NCMAP: variants seen among roughly 807,000 people sequenced by gnomAD.
NCMAP encodes the protein non-compact myelin associated protein.
In NCMAP, 8 loss-of-function variants were observed where a neutral mutation model predicts 7.8. The observed-to-expected ratio is 1.02, with a 90% CI of 0.60 to 1.84. The LOEUF is 1.84. NCMAP is among the 40% of genes most tolerant of loss of function. The pLI, the probability that NCMAP is intolerant of heterozygous loss-of-function variation, is 0.00. For synonymous variants in NCMAP, 41 were observed against 52.9 expected (o/e 0.78, Z 0.98); for missense variants, 112 against 131.4 (o/e 0.85, Z 0.72).
At chr1:24,591,894 G>T (rs1229601707) in intron 1 of NCMAP, among the ~76,000 whole-genome samples, 1 of 152,254 alleles carries the variant, frequency 6.6e-6, no homozygotes, top group Non-Finnish European at 1.5e-5. Context: ...ACCCTGTGAA[G>T]CCCCCGGGGC....
At chr1:24,605,082 C>T (rs548288511) in intron 3 of NCMAP, among the ~76,000 whole-genome samples, 1 of 151,542 alleles carries the variant, frequency 6.6e-6, no homozygotes, top group East Asian at 1.9e-4. Context: ...CTCCACTGCA[C>T]TCCAGCCTGG....
At chr1:24,580,555 A>G (rs1651715115) in intron 1 of NCMAP, among the ~76,000 whole-genome samples, 1 of 152,118 alleles carries the variant, frequency 6.6e-6, no homozygotes, top group Non-Finnish European at 1.5e-5. Context: ...GGTTCAAGCG[A>G]TTCTCCTGCC....
intron 1 of NCMAP, among the ~76,000 whole-genome samples, chr1:24,568,049 C>T (rs777043811): frequency 9.9e-5 from 15 of 152,116 alleles, no homozygotes; most frequent in Non-Finnish European, 1.9e-4. Context: ...CCTAATTAGG[C>T]ACCCGCCTGT....
At chr1:24,558,709 G>A (rs773540175) in intron 1 of NCMAP, among the ~76,000 whole-genome samples, 14 of 152,068 alleles carry the variant, frequency 9.2e-5, no homozygotes, top group Non-Finnish European at 1.2e-4. Context: ...GGAGCGGAGC[G>A]CACTGTCACT....
chr1:24,569,689 T>C (rs1651333143), intron 1 of NCMAP, among the ~76,000 whole-genome samples: 1 of 150,660 alleles, frequency 6.6e-6, no homozygotes, highest in Non-Finnish European at 1.5e-5. Flanking sequence ...ATGGAAATAA[T>C]GATACCCACC....
rs141403723 is a variant in NCMAP, at chr1:24,605,555, C to T, written c.168-51C>T. 328 of 1,596,844 alleles carry T rather than the reference C, an allele frequency of 2.1e-4. 1 individual carries two copies. In the African/African-American group the frequency reaches 3.4e-3, roughly 16 times the overall value. ...AACTGTAGTCGCAGAGCCCATTCCC[C>T]GCGGCATACCAGGGGAAAGACTCAA... On this transcript the variant is annotated intron_variant, in intron 3 of 3. Coordinates refer to ENST00000374392, the MANE Select transcript of NCMAP (RefSeq NM_001010980.5).
At chr1:24,582,953 C>G (rs918148704) in intron 1 of NCMAP, among the ~76,000 whole-genome samples, 2 of 152,180 alleles carry the variant, frequency 1.3e-5, no homozygotes, top group Non-Finnish European at 2.9e-5. Flanking sequence ...GTAACTGGCA[C>G]GTAAAAGACA....
chr1:24,578,897 C>T (rs1349020511), intron 1 of NCMAP, among the ~76,000 whole-genome samples: 7 of 152,072 alleles, frequency 4.6e-5, no homozygotes, highest in African/African-American at 1.7e-4. Flanking sequence ...TAAACTCATC[C>T]GGCAAACTCT....
At chr1:24,591,566 C>T (rs1652049720) in intron 1 of NCMAP, among the ~76,000 whole-genome samples, 1 of 152,200 alleles carries the variant, frequency 6.6e-6, no homozygotes, top group Non-Finnish European at 1.5e-5. Flanking sequence ...CCGTGCCTGG[C>T]CTGGGCCGTG....
chr1:24,587,387 AC>A (rs1651912149), intron 1 of NCMAP, among the ~76,000 whole-genome samples: 1 of 152,214 alleles, frequency 6.6e-6, no homozygotes, highest in African/African-American at 2.4e-5. Flanking sequence ...CCTACAGACA[AC>A]TACTATCGCC....
Position 24,608,887 on chromosome 1 carries a change from C to A in NCMAP, c.*3140C>A, listed in dbSNP as rs894090951. 1 of 152,390 alleles carries A rather than the reference C, an allele frequency of 6.6e-6. No individual in the cohort carries two copies. Among genetic ancestry groups the A allele is most frequent in the African/African-American group, 2.4e-5 (1 of 41,428 alleles). 9.4% of individuals were successfully genotyped at this position (152,390 alleles called of 1,614,324 possible). On this transcript the variant is annotated 3_prime_UTR_variant, in exon 4 of 4. Transcript: ENST00000374392. Reference sequence around the variant, plus strand: ...CTCCAGCCGGGGTGACAGAGCCAGACCCTGTCTCAAAGCATATTTCAACCC... The same window carrying A: ...CTCCAGCCGGGGTGACAGAGCCAGAACCTGTCTCAAAGCATATTTCAACCC...
At chr1:24,597,970 G>C (rs142467036) in intron 2 of NCMAP, among the ~76,000 whole-genome samples, 2 of 152,118 alleles carry the variant, frequency 1.3e-5, no homozygotes, top group East Asian at 3.9e-4. Flanking sequence ...ACAGTTTGGT[G>C]GGGGTGGGGG....
At chr1:24,601,900 G>T (rs1652507363) in intron 3 of NCMAP, among the ~76,000 whole-genome samples, 1 of 152,144 alleles carries the variant, frequency 6.6e-6, no homozygotes, top group African/African-American at 2.4e-5. Context: ...AATTAGCCGG[G>T]TGTGGCGGCG....
intron 1 of NCMAP, among the ~76,000 whole-genome samples, chr1:24,557,410 C>T (rs928496316): frequency 5.4e-5 from 8 of 147,582 alleles, no homozygotes; most frequent in African/African-American, 1.2e-4. Context: ...TGTGTGTGTG[C>T]GCTTGTGTGC....
intron 1 of NCMAP, among the ~76,000 whole-genome samples, chr1:24,577,421 T>TTTG (rs1310028406): frequency 3.4e-5 from 5 of 145,468 alleles, no homozygotes; most frequent in African/African-American, 1.3e-4. Context: ...TTTTTTTTTT[T>TTTG]TTTTTTTTTT....
chr1:24,586,442 C>A (rs140478553), intron 1 of NCMAP, among the ~76,000 whole-genome samples: 2 of 152,300 alleles, frequency 1.3e-5, no homozygotes, highest in African/African-American at 4.8e-5. Flanking sequence ...CTGTCACTGC[C>A]GCTCTCTTTC....
intron 1 of NCMAP, among the ~76,000 whole-genome samples, chr1:24,560,160 C>CAA (rs67052970): frequency 0.013 from 1,176 of 89,264 alleles, 29 homozygotes; most frequent in African/African-American, 0.04. Flanking sequence ...GACTCCATCT[C>CAA]AAAAAAAAAA....
intron 1 of NCMAP, among the ~76,000 whole-genome samples, chr1:24,562,356 C>G (rs2148924769): frequency 6.6e-6 from 1 of 152,314 alleles, no homozygotes; most frequent in South Asian, 2.1e-4. Context: ...TCATCTCCAT[C>G]TTGCAGATGA....
At chr1:24,564,521 A>AAG in intron 1 of NCMAP, among the ~76,000 whole-genome samples, 1 of 148,038 alleles carries the variant, frequency 6.8e-6, no homozygotes, top group African/African-American at 2.5e-5. Context: ...CTCAAAAAAA[A>AAG]AAAAAAAAAA....
Sources: gnomAD v4.1 joint callset for allele counts (sites outside exome capture counted in the v4.1 genomes callset) on GRCh38, gnomAD v4.1.1 for gene constraint, MANE v1.5 for transcripts, NCBI Gene and HGNC (gene_info 2026-07-23, HGNC 2026-07-21) for gene names.